The following GPRC5A variants were observed in gnomAD, a reference collection of about 807,000 sequenced individuals.
GPRC5A encodes G protein-coupled receptor class C group 5 member A.
Under a neutral mutation model 22.5 loss-of-function variants are expected in GPRC5A, and 19 were observed. The ratio of observed to expected loss-of-function variants is 0.85; its 90% CI spans 0.59 to 1.24. The LOEUF is 1.24. GPRC5A is among the 50% of genes most tolerant of loss of function. GPRC5A has a pLI of 0.00. For missense variants in GPRC5A, 471 were observed against 451.1 expected, an observed-to-expected ratio of 1.04 and a Z score of -0.40; for synonymous variants, 192 against 184.5, an observed-to-expected ratio of 1.04 and a Z score of -0.33.
At chr12:12,899,513 C>T (rs1169573324) in intron 1 of GPRC5A, among the ~76,000 whole-genome samples, 1 of 152,110 alleles carries the variant, frequency 6.6e-6, no homozygotes, top group African/African-American at 2.4e-5. Flanking sequence ...TTCTTTCTGA[C>T]CATGTGACAC....
chr12:12,906,325 C>T (rs1322149257), intron 1 of GPRC5A, among the ~76,000 whole-genome samples: 1 of 152,230 alleles, frequency 6.6e-6, no homozygotes, highest in African/African-American at 2.4e-5. Flanking sequence ...AATCCCAGCA[C>T]TTTGGGAGGG....
intron 1 of GPRC5A, among the ~76,000 whole-genome samples, chr12:12,902,825 TG>T (rs1863903385): frequency 6.6e-6 from 1 of 152,068 alleles, no homozygotes; most frequent in Non-Finnish European, 1.5e-5. Context: ...CCCAGCACTT[TG>T]GGATGCTGAG....
intron 2 of GPRC5A, among the ~76,000 whole-genome samples, chr12:12,910,085 T>C (rs1014374629): frequency 5.9e-5 from 9 of 152,162 alleles, no homozygotes; most frequent in Admixed American, 2.6e-4. Flanking sequence ...GACCTATTCA[T>C]TGGTCTCCAG....
rs767875038 is a variant in GPRC5A, at chr12:12,908,535, A to G, written c.286A>G (p.Thr96Ala). ...CGGACTGGACGGGAGCACAGGGCCC[A>G]CACGCTTCTTCCTCTTTGGGATCCT... Reference protein sequence around the residue: ...IIGLDGSTGPTRFFLFGILFS... With the variant: ...IIGLDGSTGPARFFLFGILFS... The change falls in exon 2 of 4, where the codon ACA becomes GCA. Residue 96 changes from threonine to alanine, a missense_variant. By Grantham distance (58) the Thr-to-Ala change is moderately conservative (BLOSUM62 0). Transcript: ENST00000014914. 5 of 1,614,130 alleles carry G rather than the reference A, an allele frequency of 3.1e-6. No individual in the cohort carries two copies. Among genetic ancestry groups the G allele is most frequent in the East Asian group, 2.2e-5 (1 of 44,882 alleles).
rs1864080426 is a variant in GPRC5A, at chr12:12,917,744, A to C, written c.*5205A>C. On this transcript the variant is annotated 3_prime_UTR_variant, in exon 4 of 4. Coordinates refer to ENST00000014914, the MANE Select transcript of GPRC5A (RefSeq NM_003979.4). ...TGGCTTCCTGGGACAGAAGGCCTTC[A>C]AAGGAGGGATTGCAAAGCAAGGCAA... is the stretch of plus-strand genomic sequence containing the variant. 6.6e-6 allele frequency: 1 copy of C among 152,164 alleles called. No individual in the cohort carries two copies. Among genetic ancestry groups the C allele is most frequent in the Non-Finnish European group, 1.5e-5 (1 of 68,032 alleles). The allele number at this position is 152,164 out of a possible 1,614,324, so 9.4% of individuals were successfully genotyped here. A position where few individuals can be genotyped will look rare whatever the true frequency, so the allele number is the denominator to read the frequency against.
intron 1 of GPRC5A, among the ~76,000 whole-genome samples, chr12:12,894,613 A>T (rs58452497): frequency 0.44 from 65,997 of 151,490 alleles, 16,561 homozygotes; most frequent in Non-Finnish European, 0.56. Context: ...TTTGCCATGT[A>T]GCCTAGGCTT....
Position 12,908,345 on chromosome 12 carries a change from A to G in GPRC5A, c.96A>G (p.Glu32=), listed in dbSNP as rs140862054. 3 of 1,613,962 alleles carry G rather than the reference A, an allele frequency of 1.9e-6. No individual in the cohort carries two copies. The highest frequency in any genetic ancestry group is 1.1e-5 in the South Asian group (1 of 91,052). ...CTGAAGCTTGGGGCATCGTCCTAGA[A>G]ACGGTGGCCACAGCCGGGGTTGTGA... is the stretch of plus-strand genomic sequence containing the variant. ...DKAEAWGIVL[E]TVATAGVVTS... is the part of the protein sequence containing the mutation. The change falls in exon 2 of 4, where the codon GAA becomes GAG. Residue 32 remains glutamate, a synonymous_variant. Coordinates refer to ENST00000014914, the MANE Select transcript of GPRC5A (RefSeq NM_003979.4).
In GPRC5A at chr12:12,912,694, G is replaced by T; in HGVS notation, c.*155G>T. ...CCAGCCTCAACCACAATTCTTCCAT[G>T]CTGGGGCTGATGTGGGCTAGTAAGA... is the stretch of plus-strand genomic sequence containing the variant. On this transcript the variant is annotated 3_prime_UTR_variant, in exon 4 of 4. Transcript: ENST00000014914. The T allele has an allele frequency of 3.3e-6, 2 of 603,606 alleles. No individual in the cohort carries two copies. The highest frequency in any genetic ancestry group is 5.9e-6 in the Non-Finnish European group (2 of 338,336). 37.4% of individuals were successfully genotyped at this position (603,606 alleles called of 1,614,324 possible).
chr12:12,908,653 T>C lies in GPRC5A; in HGVS notation c.404T>C (p.Leu135Pro). ...GRKPLSLLVI[L>P]GLAVGFSLVQ... is the part of the protein sequence containing the mutation. ...AAGCCCCTTTCCCTGTTGGTGATTC[T>C]GGGTCTGGCCGTGGGCTTCAGCCTA... The change falls in exon 2 of 4, where the codon CTG (leucine) becomes CCG (proline). Residue 135 changes from leucine to proline, a missense_variant. Leu to Pro is a moderately conservative substitution (Grantham distance 98). Transcript: ENST00000014914. 6.2e-7 allele frequency: 1 copy of C among 1,613,970 alleles called. No individual in the cohort carries two copies. The highest frequency in any genetic ancestry group is 8.5e-7 in the Non-Finnish European group (1 of 1,179,892).
At position 12,908,284 on chromosome 12, in the gene GPRC5A, G is replaced by A. The variant is rs748582997; in HGVS notation, c.35G>A (p.Gly12Asp). 6.2e-7 allele frequency: 1 copy of A among 1,604,390 alleles called. No individual in the cohort carries two copies. The highest frequency in any genetic ancestry group is 8.5e-7 in the Non-Finnish European group (1 of 1,175,630). Reference sequence around the variant, plus strand: ...ACAGTCCCTGATGGTTGCCGCAATGGCCTGAAATCCAAGTACTACAGACTT... The same window carrying A: ...ACAGTCCCTGATGGTTGCCGCAATGACCTGAAATCCAAGTACTACAGACTT... ...ATTVPDGCRNGLKSKYYRLCD... is the reference protein window; with the variant it reads ...ATTVPDGCRNDLKSKYYRLCD... Residue 12 changes from glycine to aspartate, a missense_variant, in exon 2 of 4, where the codon GGC becomes GAC. Physicochemically the swap from Gly to Asp is moderately conservative, Grantham distance 94. Transcript: ENST00000014914.
rs1864077443 is a variant in GPRC5A at position 12,917,404 on chromosome 12, T to C, written c.*4865T>C. ...GTTGGTGCCTCCACAGTCTTCATTT[T>C]ACAGAGGAACTCAGGGCTAATGGAG... On this transcript the variant is annotated 3_prime_UTR_variant, in exon 4 of 4. Coordinates refer to ENST00000014914, the MANE Select transcript of GPRC5A (RefSeq NM_003979.4). 6.6e-6 allele frequency: 1 copy of C among 152,174 alleles called. No individual in the cohort carries two copies. Among genetic ancestry groups the C allele is most frequent in the African/African-American group, 2.4e-5 (1 of 41,436 alleles). 9.4% of individuals were successfully genotyped at this position (152,174 alleles called of 1,614,324 possible). A position where few individuals can be genotyped will look rare whatever the true frequency, so the allele number is the denominator to read the frequency against.
chr12:12,904,311 G>C (rs1863918326), intron 1 of GPRC5A, among the ~76,000 whole-genome samples: 1 of 152,202 alleles, frequency 6.6e-6, no homozygotes, highest in Non-Finnish European at 1.5e-5. Flanking sequence ...GTCTATATCT[G>C]AACCTCATTT....
chr12:12,908,781 G>A lies in GPRC5A; in HGVS notation c.532G>A (p.Val178Ile), dbSNP rs1421932370. 11 of 1,614,196 alleles carry A rather than the reference G, an allele frequency of 6.8e-6. No individual in the cohort carries two copies. The highest frequency in any genetic ancestry group is 9.3e-6 in the Non-Finnish European group (11 of 1,180,028). The change falls in exon 2 of 4, where the codon GTC (valine) becomes ATC (isoleucine). Residue 178 changes from valine to isoleucine, a missense_variant. Val to Ile is a conservative substitution (Grantham distance 29, BLOSUM62 3). Coordinates refer to ENST00000014914, the MANE Select transcript of GPRC5A (RefSeq NM_003979.4). Reference sequence around the variant, plus strand: ...CGCTCCTCGTCGCAATGAAGACTTTGTCCTCCTGCTCACCTACGTCCTCTT... The same window carrying A: ...CGCTCCTCGTCGCAATGAAGACTTTATCCTCCTGCTCACCTACGTCCTCTT... Reference protein sequence around the residue: ...LSAPRRNEDFVLLLTYVLFLM... With the variant: ...LSAPRRNEDFILLLTYVLFLM...
In GPRC5A at chr12:12,908,247, A is replaced by C; in HGVS notation, c.-3A>C. ...TCCAACATTCCTTTTCTGCAGGTCC[A>C]GAATGGCTACAACAGTCCCTGATGG... On this transcript the variant is annotated 5_prime_UTR_variant, in exon 2 of 4. Coordinates refer to ENST00000014914, the MANE Select transcript of GPRC5A (RefSeq NM_003979.4). 2 of 1,561,040 alleles carry C rather than the reference A, an allele frequency of 1.3e-6. No individual in the cohort carries two copies. Among genetic ancestry groups the C allele is most frequent in the Non-Finnish European group, 1.7e-6 (2 of 1,152,394 alleles).
At chr12:12,900,619 C>T (rs1000216664) in intron 1 of GPRC5A, among the ~76,000 whole-genome samples, 4 of 152,050 alleles carry the variant, frequency 2.6e-5, no homozygotes, top group African/African-American at 2.4e-5. Flanking sequence ...CTTTTGGGGC[C>T]GGGCACAGTG....
chr12:12,911,527 C>T (rs1410239696), intron 2 of GPRC5A, among the ~76,000 whole-genome samples: 2 of 147,972 alleles, frequency 1.4e-5, no homozygotes, highest in Non-Finnish European at 1.5e-5. Context: ...CTTGTTCTGT[C>T]GCCCAGGCTG....
intron 1 of GPRC5A, 172 bp downstream of exon 1, chr12:12,891,836 C>A (rs1005644722): frequency 8.7e-6 from 1 of 115,604 alleles, no homozygotes; most frequent in Non-Finnish European, 1.8e-5. Context: ...TTTAACAACT[C>A]AGATTTTTTT....
At chr12:12,910,245 C>CA (rs1431179172) in intron 2 of GPRC5A, among the ~76,000 whole-genome samples, 1 of 152,134 alleles carries the variant, frequency 6.6e-6, no homozygotes, top group Non-Finnish European at 1.5e-5. Flanking sequence ...TGGTGCTACT[C>CA]ACTGCAGCTA....
At position 12,914,588 on chromosome 12, in the gene GPRC5A, CTTTCTT is replaced by C. The variant is rs749109860; in HGVS notation, c.*2051_*2056del. On this transcript the variant is annotated 3_prime_UTR_variant, in exon 4 of 4. Transcript: ENST00000014914. Reference sequence around the variant, plus strand: ...TCTTTCTTTCTTTCTTTCTTTCTTTCTTTCTTTCTCTCTCTCTCTCTCTCTCTCTTT... The same window carrying C: ...TCTTTCTTTCTTTCTTTCTTTCTTTCTCTCTCTCTCTCTCTCTCTCTCTTT... 53 of 93,184 alleles carry C rather than the reference CTTTCTT, an allele frequency of 5.7e-4. No individual in the cohort carries two copies. Among genetic ancestry groups the C allele is most frequent in the African/African-American group, 1.2e-3 (18 of 15,208 alleles). 5.8% of individuals were successfully genotyped at this position (93,184 alleles called of 1,614,324 possible). A position where few individuals can be genotyped will look rare whatever the true frequency, so the allele number is the denominator to read the frequency against.
Sources: allele counts gnomAD v4.1 joint callset (sites outside exome capture counted in the v4.1 genomes callset), GRCh38; gene constraint gnomAD v4.1.1; transcripts MANE v1.5; gene names NCBI Gene and HGNC (gene_info 2026-07-23, HGNC 2026-07-21).